The following PLA1A variants were observed in gnomAD, a reference collection of about 807,000 sequenced individuals.
PLA1A encodes phospholipase A1 member A.
Under a neutral mutation model 49.4 loss-of-function variants are expected in PLA1A, and 47 were observed. The ratio of observed to expected loss-of-function variants is 0.95; its 90% CI spans 0.75 to 1.21. The LOEUF is 1.21. PLA1A is among the 50% of genes most tolerant of loss of function. The pLI is 0.00. For missense variants in PLA1A, 561 were observed against 563.9 expected, an observed-to-expected ratio of 0.99 and a Z score of 0.05; for synonymous variants, 224 against 207.9, an observed-to-expected ratio of 1.08 and a Z score of -0.67.
At chr3:119,628,663 C>T in intron 9 of PLA1A, 38 bp from the exon 10 acceptor site, 1 of 1,598,918 alleles carries the variant, frequency 6.3e-7, no homozygotes, top group Non-Finnish European at 8.6e-7. Flanking sequence ...GTGGTAAGGG[C>T]TACAGTCATT....
At chr3:119,625,417 T>C (rs1156982846) in intron 9 of PLA1A, among the ~76,000 whole-genome samples, 185 bp downstream of exon 9, 1 of 152,028 alleles carries the variant, frequency 6.6e-6, no homozygotes, top group Non-Finnish European at 1.5e-5. Context: ...TGTTCAGTAG[T>C]GGGTCCAAGT....
chr3:119,609,179 G>A (rs755283022), intron 3 of PLA1A, among the ~76,000 whole-genome samples: 5 of 152,148 alleles, frequency 3.3e-5, no homozygotes, highest in Non-Finnish European at 5.9e-5. Context: ...ACTTTAGACA[G>A]CGAATGCAGA....
At chr3:119,612,054 TA>T (rs1288683831) in intron 4 of PLA1A, among the ~76,000 whole-genome samples, 2 of 152,200 alleles carry the variant, frequency 1.3e-5, no homozygotes, top group African/African-American at 4.8e-5. Context: ...TGGAGTTGTG[TA>T]GCAAAAACCC....
In PLA1A at chr3:119,608,823, G is replaced by A. The variant is rs61733987; in HGVS notation, c.329G>A (p.Arg110His). The change falls in exon 3 of 11, where the codon CGT (arginine) becomes CAT (histidine). Residue 110 changes from arginine to histidine, a missense_variant. Physicochemically the swap from Arg to His is conservative, Grantham distance 29 (BLOSUM62 0). Transcript: ENST00000273371. The stretch of plus-strand genomic sequence containing the variant: ...GACACATTTATTAGAACCCTTCTGC[G>A]TGCAACGAATGCTAATGTGATTGCC... ...WIDTFIRTLL[R>H]ATNANVIAVD... 43,327 of 1,613,090 alleles carry A rather than the reference G, an allele frequency of 0.027. 664 individuals carry two copies. The highest frequency in any genetic ancestry group is 0.056 in the Middle Eastern group (338 of 6,062).
rs561408226 is a variant in PLA1A, at chr3:119,621,800, T to C, written c.1012+2148T>C. Among the ~76,000 whole-genome samples the C allele has an allele frequency of 2.0e-4, 31 of 152,230 alleles. No homozygotes were observed. In the East Asian group the frequency reaches 5.8e-3, roughly 28 times the overall value. ...CAGGGTTGGGCCTTGGATCCAGGCC[T>C]CCTGACCAACCACTCAGGACTCTGT... On this transcript the variant is annotated intron_variant, in intron 8 of 10. Coordinates refer to ENST00000273371, the MANE Select transcript of PLA1A (RefSeq NM_015900.4).
At position 119,600,180 on chromosome 3, in the gene PLA1A, G is replaced by A. The variant is rs2082598545; in HGVS notation, c.73+2194G>A. 4 of 551,662 alleles carry A rather than the reference G, an allele frequency of 7.3e-6. No homozygotes were observed. In the Admixed American group the frequency reaches 1.2e-4, roughly 17 times the overall value. The allele number at this position is 551,662 out of a possible 1,614,324, so 34.2% of individuals were successfully genotyped here. On this transcript the variant is annotated intron_variant, in intron 1 of 10. Transcript: ENST00000273371. ...TATCCAGGTGCCTGCTGTCACACAAGGGCAGTAGCTGACCCACATGGGCCT... is the reference window on the plus strand; with the variant it reads ...TATCCAGGTGCCTGCTGTCACACAAAGGCAGTAGCTGACCCACATGGGCCT...
chr3:119,619,586 A>G lies in PLA1A; in HGVS notation c.946A>G (p.Lys316Glu). ...AGGACTGGTGGAACAAGGTGGTGTCAAGATAGAGCCGCTCCCCAAGGAAGT... is the reference window on the plus strand; with the variant it reads ...AGGACTGGTGGAACAAGGTGGTGTCGAGATAGAGCCGCTCCCCAAGGAAGT... ...RIGLVEQGGV[K>E]IEPLPKEVKV... Residue 316 changes from lysine to glutamate, a missense_variant, in exon 8 of 11, where the codon AAG becomes GAG. Transcript: ENST00000273371. 1 of 1,613,836 alleles carries G rather than the reference A, an allele frequency of 6.2e-7. No homozygotes were observed. Among genetic ancestry groups the G allele is most frequent in the Non-Finnish European group, 8.5e-7 (1 of 1,179,694 alleles).
At chr3:119,600,947 G>A (rs752030103) in intron 1 of PLA1A, among the ~76,000 whole-genome samples, 15 of 152,348 alleles carry the variant, frequency 9.8e-5, no homozygotes, top group Middle Eastern at 3.4e-3. Flanking sequence ...CCCTGCATGC[G>A]TGGCAGAGCC....
rs2082875912 is a variant in PLA1A, at chr3:119,618,002, G to C, written c.755-17G>C. The C allele has an allele frequency of 2.5e-6, 4 of 1,582,840 alleles. No individual in the cohort carries two copies. The highest frequency in any genetic ancestry group is 3.4e-6 in the Non-Finnish European group (4 of 1,163,590). ...TTGTCTTGACTGAAACCTTGGTTGT[G>C]TTTTTTCTCTGTTCAGGTTATAGTT... is the stretch of plus-strand genomic sequence containing the variant. On this transcript the variant is annotated splice_polypyrimidine_tract_variant and intron_variant, in intron 6 of 10. Transcript: ENST00000273371.
chr3:119,613,761 C>T (rs991345868), intron 5 of PLA1A, among the ~76,000 whole-genome samples: 11 of 152,116 alleles, frequency 7.2e-5, no homozygotes, highest in African/African-American at 1.9e-4. Context: ...GGCGTGGTGG[C>T]GGGCGCCTGT....
chr3:119,618,061 T>C lies in PLA1A; in HGVS notation c.797T>C (p.Leu266Pro). 4 of 1,614,138 alleles carry C rather than the reference T, an allele frequency of 2.5e-6. No homozygotes were observed. The highest frequency in any genetic ancestry group is 3.4e-6 in the Non-Finnish European group (4 of 1,179,922). ...LICDHMRAVH[L>P]YISALENSCP... ...TGTGATCACATGAGGGCTGTGCACC[T>C]CTACATCAGCGCCCTGGAGAATTCC... The change falls in exon 7 of 11, where the codon CTC becomes CCC. Residue 266 changes from leucine (L) to proline (P), a missense_variant. By Grantham distance (98) the Leu-to-Pro change is moderately conservative (BLOSUM62 -3). Coordinates refer to ENST00000273371, the MANE Select transcript of PLA1A (RefSeq NM_015900.4).
chr3:119,616,622 G>T (rs1321983423), intron 6 of PLA1A, among the ~76,000 whole-genome samples: 1 of 152,124 alleles, frequency 6.6e-6, no homozygotes, highest in East Asian at 1.9e-4. Flanking sequence ...CAATATATCA[G>T]AATTTCATAT....
chr3:119,612,873 G>T, intron 4 of PLA1A, 144 bp from the exon 5 acceptor site: 1 of 543,810 alleles, frequency 1.8e-6, no homozygotes, highest in Non-Finnish European at 3.3e-6. Flanking sequence ...CCTGAGGAAG[G>T]TGGTCCTCAG....
rs753927239 is a variant in PLA1A, at chr3:119,628,851, G to A, written c.1272G>A (p.Leu424=). 6.8e-6 allele frequency: 11 copies of A among 1,613,270 alleles called. No individual in the cohort carries two copies. Among genetic ancestry groups the A allele is most frequent in the Non-Finnish European group, 9.3e-6 (11 of 1,179,220 alleles). ...TIIGKFCTAL[L]PVNDREKMVC... is the part of the protein sequence containing the mutation. ...TTGGGAAGTTCTGCACTGCCCTTTT[G>A]CCTGTCAATGACAGGTAAGCCCCAG... Residue 424 remains leucine, a synonymous_variant, in exon 10 of 11, where the codon TTG becomes TTA. Coordinates refer to ENST00000273371, the MANE Select transcript of PLA1A (RefSeq NM_015900.4).
intron 4 of PLA1A, 128 bp downstream of exon 4, chr3:119,609,704 A>G: frequency 1.9e-6 from 1 of 516,788 alleles, no homozygotes; most frequent in South Asian, 3.3e-5. Flanking sequence ...ACCTATTACC[A>G]CTAAAATTTA....
intron 1 of PLA1A, among the ~76,000 whole-genome samples, chr3:119,602,307 GT>G (rs2082627547): frequency 6.6e-6 from 1 of 152,050 alleles, no homozygotes; most frequent in African/African-American, 2.4e-5. Context: ...TGAAACTAGT[GT>G]TTCAATTCCT....
intron 8 of PLA1A, among the ~76,000 whole-genome samples, chr3:119,622,144 G>GAGA (rs2082944673): frequency 7.1e-6 from 1 of 141,742 alleles, no homozygotes. Context: ...AGAGGAGGAG[G>GAGA]AGGAGGAAGA....
chr3:119,616,221 A>G (rs2082847193), intron 6 of PLA1A, 120 bp downstream of exon 6: 4 of 700,976 alleles, frequency 5.7e-6, no homozygotes, highest in Non-Finnish European at 1.1e-5. Context: ...GTCCTTTGCT[A>G]TGTCCCATAA....
intron 1 of PLA1A, among the ~76,000 whole-genome samples, chr3:119,604,063 T>C (rs2082651880): frequency 1.3e-5 from 2 of 152,268 alleles, no homozygotes; most frequent in African/African-American, 4.8e-5. Flanking sequence ...TATTGTCGTT[T>C]AGTTTTTAAT....
Sources: gnomAD v4.1 joint callset for allele counts (sites outside exome capture counted in the v4.1 genomes callset) on GRCh38, gnomAD v4.1.1 for gene constraint, MANE v1.5 for transcripts, NCBI Gene and HGNC (gene_info 2026-07-23, HGNC 2026-07-21) for gene names.